CYP7B1: variants seen among roughly 807,000 people sequenced by gnomAD.
The protein encoded by CYP7B1 is cytochrome P450 family 7 subfamily B member 1, also known as cytochrome P450 7B1.
CYP7B1 carries 29 observed loss-of-function variants against 42.7 expected under a neutral mutation model. That is an observed-to-expected ratio of 0.68 (90% CI 0.51 to 0.93). CYP7B1 has a LOEUF of 0.93. Among genes scored for constraint, CYP7B1 ranks in the 40% least tolerant of loss-of-function variants. The pLI, the probability that CYP7B1 is intolerant of heterozygous loss-of-function variation, is 0.00. For missense variants in CYP7B1, 655 were observed against 600.5 expected, an observed-to-expected ratio of 1.09 and a Z score of -0.95; for synonymous variants, 235 against 218.2, an observed-to-expected ratio of 1.08 and a Z score of -0.68.
intron 1 of CYP7B1, among the ~76,000 whole-genome samples, chr8:64,768,396 G>A (rs1804147424): frequency 6.6e-6 from 1 of 151,836 alleles, no homozygotes; most frequent in South Asian, 2.1e-4. Context: ...ATTTCAGAGA[G>A]CAATTCTTTA....
At chr8:64,628,304 A>G (rs1472716072) in intron 1 of CYP7B1, among the ~76,000 whole-genome samples, 2 of 152,198 alleles carry the variant, frequency 1.3e-5, no homozygotes, top group South Asian at 2.1e-4. Context: ...GTTGTAGGGC[A>G]CATCTTAAAG....
Position 64,594,186 on chromosome 8 carries a change from G to A in CYP7B1, c.*2456C>T, listed in dbSNP as rs1462178492. 2.0e-5 allele frequency among the ~76,000 whole-genome samples: 3 copies of A among 152,160 alleles called. No homozygotes were observed. Among genetic ancestry groups the A allele is most frequent in the Non-Finnish European group, 4.4e-5 (3 of 68,038 alleles). ...GAGATGGTTAGGCACAGTAGTGTGAGGATAGGTGATGGAAAAGCTTTTAAG... is the reference window on the plus strand; with the variant it reads ...GAGATGGTTAGGCACAGTAGTGTGAAGATAGGTGATGGAAAAGCTTTTAAG... On this transcript the variant is annotated 3_prime_UTR_variant, in exon 6 of 6. Transcript: ENST00000310193.
chr8:64,747,761 G>GC (rs1455114377), intron 1 of CYP7B1, among the ~76,000 whole-genome samples: 1 of 151,952 alleles, frequency 6.6e-6, no homozygotes, highest in African/African-American at 2.4e-5. Flanking sequence ...ATTTCATTGG[G>GC]CTCTTGGCTG....
intron 1 of CYP7B1, among the ~76,000 whole-genome samples, chr8:64,671,602 C>T (rs187192654): frequency 6.6e-6 from 1 of 152,270 alleles, no homozygotes; most frequent in African/African-American, 2.4e-5. Context: ...GAGGCTACAG[C>T]ATCAACCCTT....
intron 1 of CYP7B1, among the ~76,000 whole-genome samples, chr8:64,736,205 A>C (rs1421121423): frequency 2.0e-5 from 3 of 152,136 alleles, no homozygotes; most frequent in African/African-American, 7.2e-5. Flanking sequence ...CCACGAGAAA[A>C]ACACCCATAT....
At position 64,605,465 on chromosome 8, in the gene CYP7B1, G is replaced by A. The variant is rs117238806; in HGVS notation, c.1058-608C>T. Among the ~76,000 whole-genome samples, 744 of 152,186 alleles carry A rather than the reference G, an allele frequency of 4.9e-3. 5 individuals are homozygous for A. The highest frequency in any genetic ancestry group is 8.0e-3 in the Non-Finnish European group (544 of 68,000). The stretch of plus-strand genomic sequence containing the variant: ...TCTCAGCATCCAGGGAAAATAACAG[G>A]CACCATCATATCCTGGAAGATTCCA... On this transcript the variant is annotated intron_variant, in intron 4 of 5. Transcript: ENST00000310193.
chr8:64,587,827 G>C (rs2129629527), downstream of CYP7B1: 1 of 152,338 alleles, frequency 6.6e-6, no homozygotes, highest in East Asian at 1.9e-4. Flanking sequence ...GGGTTGGGAA[G>C]GTTAGACTGC....
intron 1 of CYP7B1, among the ~76,000 whole-genome samples, chr8:64,662,255 C>A (rs953470912): frequency 6.6e-6 from 1 of 152,126 alleles, no homozygotes; most frequent in South Asian, 2.1e-4. Context: ...ATTACTTGAG[C>A]CTGGGAGGTC....
In CYP7B1 at chr8:64,596,587, G is replaced by A. The variant is rs1805119666; in HGVS notation, c.*55C>T. 1 of 1,495,224 alleles carries A rather than the reference G, an allele frequency of 6.7e-7. No individual in the cohort carries two copies. Among genetic ancestry groups the A allele is most frequent in the Non-Finnish European group, 9.2e-7 (1 of 1,089,348 alleles). 92.6% of individuals were successfully genotyped at this position (1,495,224 alleles called of 1,614,324 possible). On this transcript the variant is annotated 3_prime_UTR_variant, in exon 6 of 6. Transcript: ENST00000310193. ...GCAGAAATTAAAAAGAAATAGATGA[G>A]CTTAGGATGTTTAGGGTAATTTTGA...
At chr8:64,658,257 A>G (rs1047515526) in intron 1 of CYP7B1, among the ~76,000 whole-genome samples, 7 of 152,138 alleles carry the variant, frequency 4.6e-5, no homozygotes, top group Non-Finnish European at 8.8e-5. Flanking sequence ...TTGTTCTGTG[A>G]CCTCTAAAAG....
intron 1 of CYP7B1, among the ~76,000 whole-genome samples, chr8:64,629,856 C>T (rs151016392): frequency 6.6e-6 from 1 of 152,254 alleles, no homozygotes; most frequent in Non-Finnish European, 1.5e-5. Context: ...AGGAGTATCT[C>T]AATACAAGGC....
intron 1 of CYP7B1, among the ~76,000 whole-genome samples, chr8:64,656,688 C>A (rs1806125639): frequency 6.6e-6 from 1 of 152,170 alleles, no homozygotes; most frequent in Non-Finnish European, 1.5e-5. Flanking sequence ...AAAAACAATT[C>A]ATTGAAGAAA....
chr8:64,596,919 T>C lies in CYP7B1; in HGVS notation c.1244A>G (p.Tyr415Cys). 1 of 1,609,626 alleles carries C rather than the reference T, an allele frequency of 6.2e-7. No homozygotes were observed. The highest frequency in any genetic ancestry group is 1.1e-5 in the South Asian group (1 of 90,654). Residue 415 changes from tyrosine to cysteine, a missense_variant, in exon 6 of 6, where the codon TAT (tyrosine) becomes TGT (cysteine). Physicochemically the swap from Tyr to Cys is radical, Grantham distance 194 (BLOSUM62 -2). Transcript: ENST00000310193. ...CTTACCATCTTCTATAAAACGATCA[T>C]ATCTAAACTCCTGTAAGGAAGAATA... is the stretch of plus-strand genomic sequence containing the variant. ...EIFEAPEEFRYDRFIEDGKKK... is the reference protein window; with the variant it reads ...EIFEAPEEFRCDRFIEDGKKK...
intron 1 of CYP7B1, among the ~76,000 whole-genome samples, chr8:64,737,870 A>C (rs1396677621): frequency 6.6e-6 from 1 of 152,220 alleles, no homozygotes; most frequent in Admixed American, 6.5e-5. Flanking sequence ...TGGTGGCAGC[A>C]GTAACTGGGA....
At chr8:64,640,075 G>A (rs1486389168) in intron 1 of CYP7B1, among the ~76,000 whole-genome samples, 2 of 152,076 alleles carry the variant, frequency 1.3e-5, no homozygotes, top group South Asian at 2.1e-4. Flanking sequence ...CCATTTATAT[G>A]AAATTTTTTG....
At chr8:64,762,362 T>C (rs1010043477) in intron 1 of CYP7B1, among the ~76,000 whole-genome samples, 4 of 152,196 alleles carry the variant, frequency 2.6e-5, no homozygotes, top group African/African-American at 9.6e-5. Context: ...TCTTCTGACT[T>C]GTCTCCAGTT....
intron 1 of CYP7B1, among the ~76,000 whole-genome samples, chr8:64,690,657 T>A (rs1806724623): frequency 6.6e-6 from 1 of 152,256 alleles, no homozygotes. Context: ...AGTATATATA[T>A]GTTGAGCCAC....
chr8:64,616,656 T>A (rs1382826823), intron 2 of CYP7B1, among the ~76,000 whole-genome samples: 1 of 152,210 alleles, frequency 6.6e-6, no homozygotes, highest in African/African-American at 2.4e-5. Context: ...ATTGGCAACA[T>A]GCCATTCCAT....
intron 1 of CYP7B1, among the ~76,000 whole-genome samples, chr8:64,750,207 A>C (rs1807706307): frequency 2.0e-5 from 3 of 152,130 alleles, no homozygotes; most frequent in Admixed American, 2.0e-4. Flanking sequence ...AATAAGAGTA[A>C]AGTTTCAGGT....
Sources: allele counts gnomAD v4.1 joint callset (sites outside exome capture counted in the v4.1 genomes callset), GRCh38; gene constraint gnomAD v4.1.1; transcripts MANE v1.5; gene names NCBI Gene and HGNC (gene_info 2026-07-23, HGNC 2026-07-21).